RHCG: variants seen among roughly 807,000 people sequenced by gnomAD.
The protein encoded by RHCG is ammonium transporter Rh type C.
A neutral mutation model predicts 55.3 loss-of-function variants in RHCG; 39 were observed. That is an observed-to-expected ratio of 0.70 (90% CI 0.55 to 0.92). The LOEUF is 0.92. Ranked by LOEUF, RHCG falls within the 40% of genes least tolerant of loss-of-function variation. RHCG has a pLI of 0.00. For synonymous variants in RHCG, 250 were observed against 246.8 expected (o/e 1.01, Z -0.12); for missense variants, 635 against 627.9 (o/e 1.01, Z -0.12).
chr15:89,474,024 T>C (rs773782834), intron 9 of RHCG, among the ~76,000 whole-genome samples: 1 of 152,194 alleles, frequency 6.6e-6, no homozygotes, highest in Non-Finnish European at 1.5e-5. Context: ...TAGAAATAAT[T>C]ATCCTGTGAG....
rs141501412 is a variant in RHCG at position 89,480,552 on chromosome 15, C to T, written c.523-144G>A. 102 of 928,786 alleles carry T rather than the reference C, an allele frequency of 1.1e-4. No individual in the cohort carries two copies. In the African/African-American group the frequency reaches 1.5e-3, roughly 14 times the overall value. The allele number at this position is 928,786 out of a possible 1,614,324, so 57.5% of individuals were successfully genotyped here. A position where few individuals can be genotyped will look rare whatever the true frequency, so the allele number is the denominator to read the frequency against. On this transcript the variant is annotated intron_variant, in intron 3 of 10. Transcript: ENST00000268122. Reference sequence around the variant, plus strand: ...TGCAGGATGGAGCCTGGGGCCTTCACGGACCAATCAACTGGTAATGGGGAG... The same window carrying T: ...TGCAGGATGGAGCCTGGGGCCTTCATGGACCAATCAACTGGTAATGGGGAG...
At chr15:89,486,599 A>AGAGTGTGAGAGTGT in intron 2 of RHCG, 200 bp downstream of exon 2, 1 of 261,834 alleles carries the variant, frequency 3.8e-6, no homozygotes, top group South Asian at 2.4e-5. Flanking sequence ...AGAGAGAGAG[A>AGAGTGTGAGAGTGT]GTGTGTGTGT....
intron 9 of RHCG, 110 bp downstream of exon 9, chr15:89,476,645 G>C: frequency 1.2e-6 from 1 of 867,686 alleles, no homozygotes; most frequent in Non-Finnish European, 1.9e-6. Context: ...TGTAGGCTCT[G>C]ACCCCCACCC....
intron 9 of RHCG, among the ~76,000 whole-genome samples, chr15:89,474,064 A>G (rs1021848963): frequency 6.6e-6 from 1 of 152,268 alleles, no homozygotes; most frequent in East Asian, 1.9e-4. Context: ...ATGTAATAAC[A>G]CAGAACAATT....
At chr15:89,485,507 C>A (rs1176634552) in intron 2 of RHCG, among the ~76,000 whole-genome samples, 1 of 152,194 alleles carries the variant, frequency 6.6e-6, no homozygotes, top group African/African-American at 2.4e-5. Flanking sequence ...GGCTATCATA[C>A]CTCGTTGGTA....
intron 9 of RHCG, among the ~76,000 whole-genome samples, chr15:89,474,920 G>A (rs868759997): frequency 1.2e-5 from 1 of 81,024 alleles, no homozygotes; most frequent in Admixed American, 1.2e-4. Flanking sequence ...CTTCCTTCCT[G>A]CCTGCCTGCC....
At chr15:89,486,648 G>GTC (rs1961375512) in intron 2 of RHCG, 151 bp downstream of exon 2, 1 of 489,584 alleles carries the variant, frequency 2.0e-6, no homozygotes, top group East Asian at 4.4e-5. Context: ...GTGTGTATCT[G>GTC]TCTCGCAAGC....
chr15:89,475,333 C>A (rs1239160918), intron 9 of RHCG, among the ~76,000 whole-genome samples: 1 of 152,076 alleles, frequency 6.6e-6, no homozygotes, highest in African/African-American at 2.4e-5. Context: ...CCCCCCCGCC[C>A]CAGGGTTCAA....
chr15:89,479,639 C>T, intron 4 of RHCG, 151 bp from the exon 5 acceptor site: 2 of 685,928 alleles, frequency 2.9e-6, no homozygotes, highest in East Asian at 2.8e-5. Context: ...AGGGGCTCTT[C>T]CTGGAAGGCC....
intron 5 of RHCG, among the ~76,000 whole-genome samples, chr15:89,478,988 T>C (rs1315263256): frequency 6.6e-6 from 1 of 152,066 alleles, no homozygotes; most frequent in Non-Finnish European, 1.5e-5. Flanking sequence ...CAGTCCCAGC[T>C]AGTTGGGAAA....
rs1305249358 is a variant in RHCG, at chr15:89,476,795, G to C, written c.1271C>G (p.Pro424Arg). The change falls in exon 9 of 11, where the codon CCT becomes CGT. Residue 424 changes from proline (P) to arginine (R), a missense_variant. Pro to Arg is a moderately radical substitution (Grantham distance 103). Transcript: ENST00000268122. ...ATCCTCAAAGCAGTTCTCATCTGAAGGTTGTCCCCAGAATGGTAATCTCAA... is the reference window on the plus strand; with the variant it reads ...ATCCTCAAAGCAGTTCTCATCTGAACGTTGTCCCCAGAATGGTAATCTCAA... ...LILRLPFWGQPSDENCFEDAV... is the reference protein window; with the variant it reads ...LILRLPFWGQRSDENCFEDAV... 6.2e-7 allele frequency: 1 copy of C among 1,614,152 alleles called. No individual in the cohort carries two copies. The highest frequency in any genetic ancestry group is 1.7e-5 in the Admixed American group (1 of 60,030).
At position 89,477,247 on chromosome 15, in the gene RHCG, G is replaced by A; in HGVS notation, c.1113-41C>T. 4.4e-6 allele frequency: 7 copies of A among 1,608,676 alleles called. No homozygotes were observed. The highest frequency in any genetic ancestry group is 5.9e-6 in the Non-Finnish European group (7 of 1,176,514). ...GGGGCAGGTCAGGGCCCCATGGAGA[G>A]GCCAAGTAACAGCTTGCTGCCACCC... is the stretch of plus-strand genomic sequence containing the variant. On this transcript the variant is annotated intron_variant, in intron 7 of 10. Coordinates refer to ENST00000268122, the MANE Select transcript of RHCG (RefSeq NM_016321.3). The surrounding 1 kb of genome is among the most constrained non-coding windows in gnomAD (Gnocchi z 4.5).
chr15:89,476,734 G>A (rs1479419570), intron 9 of RHCG, 21 bp downstream of exon 9: 16 of 1,610,232 alleles, frequency 9.9e-6, no homozygotes, highest in Middle Eastern at 1.6e-4. Flanking sequence ...TCCTTCAGGG[G>A]GCCAAGTCCC....
intron 1 of RHCG, among the ~76,000 whole-genome samples, chr15:89,496,053 G>A (rs541895924): frequency 6.6e-6 from 1 of 152,364 alleles, no homozygotes; most frequent in Admixed American, 6.5e-5. Flanking sequence ...GTAATGGGGC[G>A]AGAGGACTCG....
intron 5 of RHCG, among the ~76,000 whole-genome samples, chr15:89,478,293 G>A (rs1182308775): frequency 1.3e-5 from 2 of 152,200 alleles, no homozygotes; most frequent in African/African-American, 2.4e-5. Flanking sequence ...GTATACCTGT[G>A]TGCCCAGACT....
rs1961161555 is a variant in RHCG at position 89,476,939 on chromosome 15, A to T, written c.1238-111T>A. The stretch of plus-strand genomic sequence containing the variant: ...CTGGGGCCCTTGGGCTGAGTTCCAA[A>T]TTGTCCCAGTCCTGTAGCCAGAAGT... On this transcript the variant is annotated intron_variant, in intron 8 of 10. Coordinates refer to ENST00000268122, the MANE Select transcript of RHCG (RefSeq NM_016321.3). The T allele has an allele frequency of 3.9e-6, 6 of 1,541,512 alleles. No homozygotes were observed. The African/African-American group carries it at 4.1e-5, about 10-fold the overall frequency.
At chr15:89,481,271 G>A (rs890120118) in intron 3 of RHCG, among the ~76,000 whole-genome samples, 10 of 152,160 alleles carry the variant, frequency 6.6e-5, no homozygotes, top group African/African-American at 4.8e-5. Context: ...CTAACATGGC[G>A]AAACCCCGTT....
At chr15:89,494,609 G>GTCTC (rs143945828) in intron 1 of RHCG, among the ~76,000 whole-genome samples, 1 of 149,862 alleles carries the variant, frequency 6.7e-6, no homozygotes, top group African/African-American at 2.5e-5. Flanking sequence ...CTATTATAGG[G>GTCTC]TCTCTCTCTC....
At chr15:89,490,357 G>C (rs577425326) in intron 1 of RHCG, among the ~76,000 whole-genome samples, 2 of 152,370 alleles carry the variant, frequency 1.3e-5, no homozygotes, top group African/African-American at 4.8e-5. Flanking sequence ...CAGTGTGGGA[G>C]AGCTGTGGGT....
Sources: allele counts gnomAD v4.1 joint callset (sites outside exome capture counted in the v4.1 genomes callset), GRCh38; gene constraint gnomAD v4.1.1; non-coding constraint Gnocchi (gnomAD v3.1); transcripts MANE v1.5; gene names NCBI Gene and HGNC (gene_info 2026-07-23, HGNC 2026-07-21).